The following CCNYL1 variants were observed in gnomAD, a reference collection of about 807,000 sequenced individuals.
CCNYL1 encodes the protein cyclin-Y-like protein 1.
Under a neutral mutation model 44.2 loss-of-function variants are expected in CCNYL1, and 16 were observed. The ratio of observed to expected loss-of-function variants is 0.36; its 90% CI spans 0.25 to 0.55. The LOEUF (loss-of-function observed/expected upper bound fraction) is 0.55. CCNYL1 is among the 20% of genes least tolerant of loss of function. The pLI is 0.85. For missense variants in CCNYL1, 348 were observed against 451.8 expected, an observed-to-expected ratio of 0.77 and a Z score of 2.08; for synonymous variants, 159 against 163.2, an observed-to-expected ratio of 0.97 and a Z score of 0.20.
intron 1 of CCNYL1, among the ~76,000 whole-genome samples, chr2:207,712,569 C>T (rs925033424): frequency 3.3e-5 from 5 of 152,274 alleles, no homozygotes; most frequent in African/African-American, 4.8e-5. Context: ...ATTGTTCCTT[C>T]CTCCCATCCG....
At chr2:207,722,057 A>G (rs1274516218) in intron 1 of CCNYL1, among the ~76,000 whole-genome samples, 1 of 144,448 alleles carries the variant, frequency 6.9e-6, no homozygotes, top group Non-Finnish European at 1.5e-5. Context: ...CATTTCTGTT[A>G]TCCTAGTTGC....
At chr2:207,718,256 C>T (rs989648115) in intron 1 of CCNYL1, among the ~76,000 whole-genome samples, 2 of 152,070 alleles carry the variant, frequency 1.3e-5, no homozygotes, top group African/African-American at 4.8e-5. Context: ...TGCCTATAAT[C>T]CCAGCAGTTT....
chr2:207,750,270 T>C (rs2091882031), intron 8 of CCNYL1, among the ~76,000 whole-genome samples: 1 of 152,174 alleles, frequency 6.6e-6, no homozygotes, highest in African/African-American at 2.4e-5. Context: ...TTAAAGAGTA[T>C]CCTCACCCTG....
At chr2:207,740,000 G>C (rs983589611) in intron 5 of CCNYL1, among the ~76,000 whole-genome samples, 5 of 151,960 alleles carry the variant, frequency 3.3e-5, no homozygotes, top group Non-Finnish European at 7.4e-5. Flanking sequence ...GGTTGAATAA[G>C]TATTCTTAAA....
intron 8 of CCNYL1, among the ~76,000 whole-genome samples, chr2:207,750,234 C>T (rs1192524123): frequency 6.6e-6 from 1 of 152,154 alleles, no homozygotes; most frequent in Admixed American, 6.5e-5. Flanking sequence ...AAGACATCCA[C>T]CTTTGATCTT....
At chr2:207,742,632 A>G (rs1165546343) in intron 7 of CCNYL1, among the ~76,000 whole-genome samples, 1 of 152,124 alleles carries the variant, frequency 6.6e-6, no homozygotes, top group Non-Finnish European at 1.5e-5. Context: ...TACACATACA[A>G]GGCATGGTGG....
chr2:207,738,823 G>A (rs1026695263), intron 5 of CCNYL1, among the ~76,000 whole-genome samples: 1 of 151,882 alleles, frequency 6.6e-6, no homozygotes, highest in African/African-American at 2.4e-5. Context: ...GGGTTCAAGC[G>A]ATTCTCCTGT....
Position 207,711,845 on chromosome 2 carries a change from G to C in CCNYL1, c.-52G>C, listed in dbSNP as rs2091550504. 3 of 1,256,592 alleles carry C rather than the reference G, an allele frequency of 2.4e-6. No individual in the cohort carries two copies. Among genetic ancestry groups the C allele is most frequent in the African/African-American group, 1.6e-5 (1 of 63,210 alleles). The allele number at this position is 1,256,592 out of a possible 1,614,324, so 77.8% of individuals were successfully genotyped here. ...GGGGGAGGGGGCGGCTGTTGAGGGC[G>C]GCGGAGTAGGGGGCGAGCGAAGGCG... On this transcript the variant is annotated 5_prime_UTR_variant, in exon 1 of 10. Transcript: ENST00000295414.
chr2:207,747,922 C>A (rs1478130618), intron 8 of CCNYL1, among the ~76,000 whole-genome samples: 1 of 152,042 alleles, frequency 6.6e-6, no homozygotes. Context: ...TTCATTCATT[C>A]ATTCATTCAT....
chr2:207,751,605 A>G (rs2091891314), intron 9 of CCNYL1, among the ~76,000 whole-genome samples: 1 of 152,236 alleles, frequency 6.6e-6, no homozygotes. Context: ...CTGTAAGCCC[A>G]GCACTTTGGG....
intron 3 of CCNYL1, among the ~76,000 whole-genome samples, chr2:207,731,299 A>C (rs570412814): frequency 1.3e-5 from 2 of 152,176 alleles, no homozygotes; most frequent in African/African-American, 4.8e-5. Flanking sequence ...CAGGTACTTT[A>C]CCTTTAAGGT....
intron 1 of CCNYL1, among the ~76,000 whole-genome samples, chr2:207,712,820 T>C (rs1397618830): frequency 1.3e-5 from 2 of 152,112 alleles, no homozygotes; most frequent in Non-Finnish European, 2.9e-5. Context: ...TGCAGACAAG[T>C]TGTTTTTTTG....
intron 2 of CCNYL1, among the ~76,000 whole-genome samples, chr2:207,725,961 G>A (rs1398257920): frequency 6.6e-6 from 1 of 152,186 alleles, no homozygotes. Context: ...AAGCAGGGGA[G>A]TTGTAAGCAG....
At chr2:207,725,087 T>A (rs2105823354) in intron 2 of CCNYL1, among the ~76,000 whole-genome samples, 1 of 152,230 alleles carries the variant, frequency 6.6e-6, no homozygotes, top group South Asian at 2.1e-4. Context: ...GCCACCTTTT[T>A]ATAACACAAT....
intron 2 of CCNYL1, 124 bp downstream of exon 2, chr2:207,724,998 T>C (rs547742036): frequency 2.9e-6 from 2 of 689,100 alleles, no homozygotes; most frequent in East Asian, 5.7e-5. Flanking sequence ...TTTCATATGT[T>C]CACTGATTTT....
At position 207,749,547 on chromosome 2, in the gene CCNYL1, T is replaced by G. The variant is rs146514624; in HGVS notation, c.807-1410T>G. On this transcript the variant is annotated intron_variant, in intron 8 of 9. Transcript: ENST00000295414. ...GCATATTCTGTAAGCATAATGCTTT[T>G]CTTCAGTGATTAAACCTCTATTAAT... Among the ~76,000 whole-genome samples the G allele has an allele frequency of 2.0e-5, 3 of 152,378 alleles. No homozygotes were observed. The East Asian group carries it at 5.8e-4, about 29-fold the overall frequency.
chr2:207,723,484 A>T (rs1052838365), intron 1 of CCNYL1, among the ~76,000 whole-genome samples: 1 of 152,172 alleles, frequency 6.6e-6, no homozygotes, highest in Non-Finnish European at 1.5e-5. Context: ...AAGTAGAGCA[A>T]TTATATTAAT....
chr2:207,751,088 C>T lies in CCNYL1; in HGVS notation c.938C>T (p.Pro313Leu). The change falls in exon 9 of 10, where the codon CCT (proline) becomes CTT (leucine). Residue 313 changes from proline (P) to leucine (L), a missense_variant. Around this residue, in one of 3 missense-constraint regions of CCNYL1, gnomAD observed 94 missense variants for 102.4 expected, o/e 0.92. Coordinates refer to ENST00000295414, the MANE Select transcript of CCNYL1 (RefSeq NM_001330218.2). ...DDNNLNFLFA[P>L]LSKERAQNLE... ...AACAACCTGAATTTTCTATTTGCTC[C>T]TCTTAGCAAAGAAAGAGCACAGAAC... 1 of 1,614,060 alleles carries T rather than the reference C, an allele frequency of 6.2e-7. No individual in the cohort carries two copies. The highest frequency in any genetic ancestry group is 8.5e-7 in the Non-Finnish European group (1 of 1,179,976).
At chr2:207,714,353 C>T (rs996417924) in intron 1 of CCNYL1, 2 of 391,742 alleles carry the variant, frequency 5.1e-6, no homozygotes, top group Admixed American at 6.7e-5. Flanking sequence ...GAAAGAGTCT[C>T]ACTGTGTTGA....
Sources: allele counts gnomAD v4.1 joint callset (sites outside exome capture counted in the v4.1 genomes callset), GRCh38; gene constraint gnomAD v4.1.1; regional missense constraint gnomAD v4.1.1; transcripts MANE v1.5; gene names NCBI Gene and HGNC (gene_info 2026-07-23, HGNC 2026-07-21).